OPTN: variants seen among roughly 807,000 people sequenced by gnomAD.
OPTN encodes E3-14.7K-interacting protein.
In OPTN, 54 loss-of-function variants were observed where a neutral mutation model predicts 70.4. The observed-to-expected ratio is 0.77, with a 90% CI of 0.62 to 0.96. OPTN has a LOEUF of 0.96. Ranked by LOEUF, OPTN falls within the 40% of genes least tolerant of loss-of-function variation. OPTN has a pLI of 0.00. For missense variants in OPTN, 624 were observed against 673.2 expected (o/e 0.93, Z 0.81); for synonymous variants, 256 against 248.5 (o/e 1.03, Z -0.28).
intron 7 of OPTN, among the ~76,000 whole-genome samples, chr10:13,121,521 A>C (rs1833351404): frequency 6.6e-6 from 1 of 150,556 alleles, no homozygotes; most frequent in African/African-American, 2.4e-5. Flanking sequence ...AAAAAAAAAA[A>C]AAAAAAGTGT....
In OPTN at chr10:13,116,380, G is replaced by A. The variant is rs1223906889; in HGVS notation, c.626+40G>A. ...ACTCGGGCTGTCAGGCAGACAGGCT[G>A]GGCAGGCTCGTCACTGGGTGCTTGT... is the stretch of plus-strand genomic sequence containing the variant. On this transcript the variant is annotated intron_variant, in intron 6 of 14. Transcript: ENST00000378747. 5 of 1,456,350 alleles carry A rather than the reference G, an allele frequency of 3.4e-6. No individual in the cohort carries two copies. The East Asian group carries it at 1.1e-4, about 33-fold the overall frequency. 90.2% of individuals were successfully genotyped at this position (1,456,350 alleles called of 1,614,324 possible). A position where few individuals can be genotyped will look rare whatever the true frequency, so the allele number is the denominator to read the frequency against.
At chr10:13,117,528 G>A (rs1051431705) in intron 6 of OPTN, among the ~76,000 whole-genome samples, 1 of 136,202 alleles carries the variant, frequency 7.3e-6, no homozygotes. Flanking sequence ...TCACTGCAAC[G>A]TCTGCCTCCC....
At chr10:13,124,612 G>A (rs1833420884) in intron 9 of OPTN, among the ~76,000 whole-genome samples, 1 of 152,218 alleles carries the variant, frequency 6.6e-6, no homozygotes, top group Non-Finnish European at 1.5e-5. Flanking sequence ...GCAAACCTAA[G>A]TTGATGCTGT....
Position 13,132,076 on chromosome 10 carries a change from T to C in OPTN, c.1411T>C (p.Tyr471His), listed in dbSNP as rs1481244992. The change falls in exon 13 of 15, where the codon TAC becomes CAC. Residue 471 changes from tyrosine to histidine, a missense_variant. Tyr to His is a moderately conservative substitution (Grantham distance 83). Transcript: ENST00000378747. Reference sequence around the variant, plus strand: ...TTTTTTCCTCTAACAGATGGAAGTTTACTGTTCTGATTTTCATGCTGAAAG... The same window carrying C: ...TTTTTTCCTCTAACAGATGGAAGTTCACTGTTCTGATTTTCATGCTGAAAG... The part of the protein sequence containing the change: ...MTILRAQMEV[Y>H]CSDFHAERAA... 1.1e-5 allele frequency: 17 copies of C among 1,612,822 alleles called. No homozygotes were observed. The highest frequency in any genetic ancestry group is 1.4e-5 in the Non-Finnish European group (16 of 1,179,056).
chr10:13,107,270 G>C (rs1360428480), intron 1 of OPTN, among the ~76,000 whole-genome samples: 2 of 151,656 alleles, frequency 1.3e-5, no homozygotes, highest in Admixed American at 6.6e-5. Flanking sequence ...AGCTACTTGG[G>C]AGGCTGAGTC....
At chr10:13,115,071 TTATA>T (rs538376347) in intron 5 of OPTN, among the ~76,000 whole-genome samples, 1 of 46,614 alleles carries the variant, frequency 2.1e-5, no homozygotes, top group East Asian at 5.7e-4. Context: ...GTATATATAT[TTATA>T]TATATAGATA....
intron 1 of OPTN, among the ~76,000 whole-genome samples, chr10:13,102,242 C>A (rs1832767342): frequency 6.6e-6 from 1 of 152,180 alleles, no homozygotes; most frequent in Non-Finnish European, 1.5e-5. Context: ...CTTTAACGTG[C>A]CTTGGGTACG....
At chr10:13,107,949 A>C (rs1832903931) in intron 1 of OPTN, among the ~76,000 whole-genome samples, 189 bp from the exon 2 acceptor site, 1 of 152,212 alleles carries the variant, frequency 6.6e-6, no homozygotes, top group African/African-American at 2.4e-5. Context: ...ACACAGAAGC[A>C]GAGTGGGGAT....
At chr10:13,125,387 T>C (rs1366790618) in intron 9 of OPTN, 31 bp from the exon 10 acceptor site, 1 of 1,613,532 alleles carries the variant, frequency 6.2e-7, no homozygotes, top group Non-Finnish European at 8.5e-7. Context: ...AGGAGCATTG[T>C]TTATCCTCAT....
At chr10:13,112,207 A>T (rs1415529431) in intron 4 of OPTN, among the ~76,000 whole-genome samples, 1 of 145,326 alleles carries the variant, frequency 6.9e-6, no homozygotes, top group Non-Finnish European at 1.5e-5. Flanking sequence ...TCCTGGGCTC[A>T]GGCAGTCTTC....
At chr10:13,120,963 C>T (rs1833335072) in intron 7 of OPTN, among the ~76,000 whole-genome samples, 1 of 152,152 alleles carries the variant, frequency 6.6e-6, no homozygotes, top group Admixed American at 6.5e-5. Context: ...GGAGAAGGAA[C>T]GCAGGAGGCA....
chr10:13,114,762 A>ATATATAAT (rs71386158), intron 5 of OPTN, among the ~76,000 whole-genome samples: 66,611 of 83,358 alleles, frequency 0.8, 28,104 homozygotes, highest in Middle Eastern at 0.92. Flanking sequence ...ATATAATTGC[A>ATATATAAT]TATATAATTA....
Position 13,112,614 on chromosome 10 carries a change from C to T in OPTN, c.531C>T (p.Ser177=). 1 of 1,614,120 alleles carries T rather than the reference C, an allele frequency of 6.2e-7. No individual in the cohort carries two copies. Among genetic ancestry groups the T allele is most frequent in the Non-Finnish European group, 8.5e-7 (1 of 1,180,020 alleles). ...KLNSSGSSED[S]FVEIRMAEGE... is the part of the protein sequence containing the mutation. ...ACTCCAGCGGCTCCTCAGAAGATTC[C>T]TTTGTTGAAATTAGGATGGCTGTGA... Residue 177 remains serine (S), a synonymous_variant, in exon 5 of 15, where the codon TCC becomes TCT. Coordinates refer to ENST00000378747, the MANE Select transcript of OPTN (RefSeq NM_001008212.2).
rs759311192 is a variant in OPTN, at chr10:13,122,384, G to C, written c.780-1G>C. 3 of 1,606,482 alleles carry C rather than the reference G, an allele frequency of 1.9e-6. No individual in the cohort carries two copies. The highest frequency in any genetic ancestry group is 2.6e-6 in the Non-Finnish European group (3 of 1,173,134). On this transcript the variant is annotated splice_acceptor_variant, in intron 7 of 14. Transcript: ENST00000378747. LOFTEE classifies it high-confidence loss of function. ...CTTTTCTATCTTCTGTGATTTTCCA[G>C]AGTTTCAGATTTTGAAAAGAAAACA...
chr10:13,122,970 C>T, intron 8 of OPTN: 1 of 186,708 alleles, frequency 5.4e-6, no homozygotes, highest in South Asian at 1.1e-4. Context: ...CCACTGCGCC[C>T]AGCTGCAAGA....
intron 7 of OPTN, among the ~76,000 whole-genome samples, chr10:13,121,500 TAAAAAAAAAA>T (rs200687404): frequency 1.7e-4 from 15 of 90,880 alleles, no homozygotes; most frequent in South Asian, 1.4e-3. Context: ...GATTATCCTG[TAAAAAAAAAA>T]AAAAAAAAAA....
At chr10:13,122,163 C>T (rs1346346846) in intron 7 of OPTN, among the ~76,000 whole-genome samples, 3 of 152,188 alleles carry the variant, frequency 2.0e-5, no homozygotes, top group Non-Finnish European at 2.9e-5. Flanking sequence ...ATGAGTTTCA[C>T]TTGCCTTTTA....
intron 1 of OPTN, among the ~76,000 whole-genome samples, chr10:13,107,608 C>G (rs879690419): frequency 6.6e-6 from 1 of 151,768 alleles, no homozygotes; most frequent in African/African-American, 2.4e-5. Context: ...GTCTCGATCT[C>G]CTGACCTCGT....
intron 6 of OPTN, among the ~76,000 whole-genome samples, chr10:13,118,629 T>C (rs1156458423): frequency 1.3e-5 from 2 of 152,184 alleles, no homozygotes; most frequent in Non-Finnish European, 2.9e-5. Flanking sequence ...ACACAGTGAC[T>C]GTTTGGAGGA....
Sources: gnomAD v4.1 joint callset for allele counts (sites outside exome capture counted in the v4.1 genomes callset) on GRCh38, gnomAD v4.1.1 for gene constraint, MANE v1.5 for transcripts, NCBI Gene and HGNC (gene_info 2026-07-23, HGNC 2026-07-21) for gene names.